Variants in REM2 observed in about 807,000 individuals in gnomAD.
The protein encoded by REM2 is RRAD and GEM like GTPase 2.
A neutral mutation model predicts 24.4 loss-of-function variants in REM2; 24 were observed. That is an observed-to-expected ratio of 0.98 (90% CI 0.71 to 1.38). The LOEUF (loss-of-function observed/expected upper bound fraction) is 1.38, where lower values mean the gene tolerates loss of function less well. Ranked by LOEUF, REM2 falls within the 40% of genes most tolerant of loss-of-function variation. The pLI, the probability that REM2 is intolerant of heterozygous loss-of-function variation, is 0.00. For synonymous variants in REM2, 187 were observed against 198.0 expected (o/e 0.94, Z 0.47); for missense variants, 429 against 467.8 (o/e 0.92, Z 0.77).
Position 22,886,049 on chromosome 14 carries a change from A to C in REM2, c.545A>C (p.Asp182Ala), listed in dbSNP as rs2040122623. Residue 182 changes from aspartate to alanine, a missense_variant, in exon 4 of 5, where the codon GAC (aspartate) becomes GCC (alanine). Asp to Ala is a moderately radical substitution (Grantham distance 126). Coordinates refer to ENST00000267396, the MANE Select transcript of REM2 (RefSeq NM_173527.3). This position sits in a 1 kb window ranked among gnomAD's most constrained non-coding sequence, Gnocchi z 5.9. ...GGGGATGCAGGAGGGTGGCTGCGGG[A>C]CCACTGCCTTCAGACCGGGGACGCC... ...EQGDAGGWLR[D>A]HCLQTGDAFL... The C allele has an allele frequency of 6.2e-7, 1 of 1,613,828 alleles. No individual in the cohort carries two copies. Among genetic ancestry groups the C allele is most frequent in the Non-Finnish European group, 8.5e-7 (1 of 1,179,812 alleles).
chr14:22,886,208 G>C lies in REM2; in HGVS notation c.704G>C (p.Arg235Pro). The C allele has an allele frequency of 3.1e-6, 5 of 1,613,088 alleles. No individual in the cohort carries two copies. Among genetic ancestry groups the C allele is most frequent in the Non-Finnish European group, 4.2e-6 (5 of 1,179,534 alleles). ...GTTGGAAACAAGAGCGACTTGGCCC[G>C]CTCCCGGGAGGTATCACTGGAGGGT... The part of the protein sequence containing the change: ...ILVGNKSDLA[R>P]SREVSLEEGR... The change falls in exon 4 of 5, where the codon CGC becomes CCC. Residue 235 changes from arginine to proline, a missense_variant. Arg to Pro is a moderately radical substitution (Grantham distance 103). Coordinates refer to ENST00000267396, the MANE Select transcript of REM2 (RefSeq NM_173527.3). The surrounding 1 kb of genome is among the most constrained non-coding windows in gnomAD (Gnocchi z 5.9).
chr14:22,886,481 A>G lies in REM2; in HGVS notation c.728-133A>G. 1.2e-6 allele frequency: 1 copy of G among 866,116 alleles called. No individual in the cohort carries two copies. The allele number at this position is 866,116 out of a possible 1,614,324, so 53.7% of individuals were successfully genotyped here. On this transcript the variant is annotated intron_variant, in intron 4 of 4. Coordinates refer to ENST00000267396, the MANE Select transcript of REM2 (RefSeq NM_173527.3). This position sits in a 1 kb window ranked among gnomAD's most constrained non-coding sequence, Gnocchi z 5.9. The stretch of plus-strand genomic sequence containing the variant: ...CTCCACAGACCCACCATATGAGCTC[A>G]GCCATGTTCTCTCGGTTGCAAGATT...
At position 22,886,688 on chromosome 14, in the gene REM2, G is replaced by A; in HGVS notation, c.802G>A (p.Glu268Lys). 8 of 1,498,452 alleles carry A rather than the reference G, an allele frequency of 5.3e-6. No individual in the cohort carries two copies. Among genetic ancestry groups the A allele is most frequent in the Non-Finnish European group, 6.2e-6 (7 of 1,125,694 alleles). 92.8% of individuals were successfully genotyped at this position (1,498,452 alleles called of 1,614,324 possible). The change falls in exon 5 of 5, where the codon GAG becomes AAG. Residue 268 changes from glutamate (E) to lysine (K), a missense_variant. Glu to Lys is a moderately conservative substitution (Grantham distance 56). Coordinates refer to ENST00000267396, the MANE Select transcript of REM2 (RefSeq NM_173527.3). The surrounding 1 kb of genome is among the most constrained non-coding windows in gnomAD (Gnocchi z 5.9). ...GGCCGCACTGCACCACAACACGAGG[G>A]AGCTCTTCGAGGGCGCGGTGCGCCA... ...TSAALHHNTR[E>K]LFEGAVRQIR...
In REM2 at chr14:22,884,773, G is replaced by A; in HGVS notation, c.203G>A (p.Ser68Asn). ...SAPGAPRRRG[S>N]MPVPYKHQLR... is the part of the protein sequence containing the mutation. ...CCTGGGGCCCCCAGACGAAGAGGCA[G>A]TATGCCTGTCCCCTACAAGCACCAG... is the stretch of plus-strand genomic sequence containing the variant. Residue 68 changes from serine (S) to asparagine (N), a missense_variant, in exon 2 of 5, where the codon AGT (serine) becomes AAT (asparagine). Physicochemically the swap from Ser to Asn is conservative, Grantham distance 46 (BLOSUM62 1). Coordinates refer to ENST00000267396, the MANE Select transcript of REM2 (RefSeq NM_173527.3). The A allele has an allele frequency of 1.2e-6, 2 of 1,614,066 alleles. No homozygotes were observed. The highest frequency in any genetic ancestry group is 8.5e-7 in the Non-Finnish European group (1 of 1,179,898).
rs1193433514 is a variant in REM2, at chr14:22,886,256, A to T, written c.727+25A>T. ...GGTGTGTATCCTGAACAGATTCCAT[A>T]CTTGCGATCTCAGGGGAATGCTCTC... On this transcript the variant is annotated intron_variant, in intron 4 of 4. Coordinates refer to ENST00000267396, the MANE Select transcript of REM2 (RefSeq NM_173527.3). The surrounding 1 kb of genome is among the most constrained non-coding windows in gnomAD (Gnocchi z 5.9). 1 of 1,582,554 alleles carries T rather than the reference A, an allele frequency of 6.3e-7. No homozygotes were observed. The highest frequency in any genetic ancestry group is 2.3e-5 in the East Asian group (1 of 43,944).
At chr14:22,883,423 A>G (rs2040087034) in intron 1 of REM2, 33 bp downstream of exon 1, 1 of 1,547,514 alleles carries the variant, frequency 6.5e-7, no homozygotes, top group Non-Finnish European at 8.7e-7. Context: ...TCCGGCTGAA[A>G]CCATGGGGGT....
chr14:22,884,191 C>T (rs899116347), intron 1 of REM2: 1 of 985,414 alleles, frequency 1.0e-6, no homozygotes, highest in Non-Finnish European at 1.2e-6. Context: ...TATACCTACT[C>T]CCCAGACACT....
In REM2 at chr14:22,887,223, G is replaced by T. The variant is rs2040139663; in HGVS notation, c.*314G>T. On this transcript the variant is annotated 3_prime_UTR_variant, in exon 5 of 5. Transcript: ENST00000267396. ...GAAAAATAATTCTGCAAGGTATTTT[G>T]TTTTTTATTAATTCGCGCTTGGCCA... The T allele has an allele frequency of 6.7e-6, 2 of 297,058 alleles. No individual in the cohort carries two copies. Among genetic ancestry groups the T allele is most frequent in the East Asian group, 5.6e-5 (1 of 17,856 alleles). The allele number at this position is 297,058 out of a possible 1,614,324, so 18.4% of individuals were successfully genotyped here.
At chr14:22,885,884 GATTCTGCCATTAACTA>G in intron 3 of REM2, 124 bp from the exon 4 acceptor site, 1 of 650,716 alleles carries the variant, frequency 1.5e-6, no homozygotes, top group Non-Finnish European at 2.7e-6. Context: ...TGGGTAGGGA[GATTCTGCCATTAACTA>G]GCTCTGCTGT....
At position 22,886,609 on chromosome 14, in the gene REM2, T is replaced by C; in HGVS notation, c.728-5T>C. On this transcript the variant is annotated splice_region_variant and splice_polypyrimidine_tract_variant and intron_variant, in intron 4 of 4. Coordinates refer to ENST00000267396, the MANE Select transcript of REM2 (RefSeq NM_173527.3). This position sits in a 1 kb window ranked among gnomAD's most constrained non-coding sequence, Gnocchi z 5.9. ...GCGGGCGCCTGAGCCGGTGCCTTCC[T>C]GCAGAGGGCCGCCACCTGGCCGGGA... is the stretch of plus-strand genomic sequence containing the variant. The C allele has an allele frequency of 6.9e-7, 1 of 1,448,324 alleles. No individual in the cohort carries two copies. The highest frequency in any genetic ancestry group is 9.1e-7 in the Non-Finnish European group (1 of 1,099,618). The allele number at this position is 1,448,324 out of a possible 1,614,324, so 89.7% of individuals were successfully genotyped here.
intron 1 of REM2, chr14:22,884,389 G>A: frequency 1.0e-6 from 1 of 985,454 alleles, no homozygotes; most frequent in Non-Finnish European, 1.2e-6. Context: ...AGTGTGAGTG[G>A]GTATGTGAGC....
Position 22,883,356 on chromosome 14 carries a change from C to T in REM2, c.69C>T (p.Ser23=), listed in dbSNP as rs1435816249. Residue 23 remains serine (S), a synonymous_variant, in exon 1 of 5, where the codon AGC becomes AGT. Coordinates refer to ENST00000267396, the MANE Select transcript of REM2 (RefSeq NM_173527.3). ...CCACAGCACTCTGCCCCTCTGGCAG[C>T]CGCCGGGCCTCCCCTCCAGGGACGC... is the stretch of plus-strand genomic sequence containing the variant. ...TETTALCPSG[S]RRASPPGTPT... is the part of the protein sequence containing the mutation. 1 of 1,558,004 alleles carries T rather than the reference C, an allele frequency of 6.4e-7. No individual in the cohort carries two copies. Among genetic ancestry groups the T allele is most frequent in the Admixed American group, 1.9e-5 (1 of 51,534 alleles).
chr14:22,887,584 GAT>G lies in REM2; in HGVS notation c.*677_*678del, dbSNP rs752643276. Reference sequence around the variant, plus strand: ...GGGGTGGACAGACTTTCTGCATTCAGATAATGAGCAGTGGCAACCCCTTTTGG... The same window carrying G: ...GGGGTGGACAGACTTTCTGCATTCAGAATGAGCAGTGGCAACCCCTTTTGG... On this transcript the variant is annotated 3_prime_UTR_variant, in exon 5 of 5. Transcript: ENST00000267396. 1 of 152,236 alleles carries G rather than the reference GAT, an allele frequency of 6.6e-6. No individual in the cohort carries two copies. The highest frequency in any genetic ancestry group is 1.5e-5 in the Non-Finnish European group (1 of 68,042). 9.4% of individuals were successfully genotyped at this position (152,236 alleles called of 1,614,324 possible).
At chr14:22,883,909 A>ACG (rs2040093899) in intron 1 of REM2, among the ~76,000 whole-genome samples, 1 of 151,440 alleles carries the variant, frequency 6.6e-6, no homozygotes. Flanking sequence ...TCACACACAC[A>ACG]CACACACACA....
At chr14:22,885,873 C>T (rs932206637) in intron 3 of REM2, 151 bp from the exon 4 acceptor site, 1 of 627,770 alleles carries the variant, frequency 1.6e-6, no homozygotes, top group Non-Finnish European at 2.8e-6. Flanking sequence ...CACAAACACT[C>T]TGGGTAGGGA....
At position 22,887,015 on chromosome 14, in the gene REM2, A is replaced by C; in HGVS notation, c.*106A>C. The C allele has an allele frequency of 9.1e-7, 1 of 1,103,008 alleles. No individual in the cohort carries two copies. The highest frequency in any genetic ancestry group is 1.2e-6 in the Non-Finnish European group (1 of 820,528). The allele number at this position is 1,103,008 out of a possible 1,614,324, so 68.3% of individuals were successfully genotyped here. A position where few individuals can be genotyped will look rare whatever the true frequency, so the allele number is the denominator to read the frequency against. ...CCGGCTTCCTTGGTGGAGGCCGTCT[A>C]GGAAACCAAAAACTCCCAGGATGCC... On this transcript the variant is annotated 3_prime_UTR_variant, in exon 5 of 5. Coordinates refer to ENST00000267396, the MANE Select transcript of REM2 (RefSeq NM_173527.3).
intron 1 of REM2, 133 bp from the exon 2 acceptor site, chr14:22,884,541 C>T: frequency 1.4e-6 from 2 of 1,437,386 alleles, no homozygotes; most frequent in Non-Finnish European, 1.8e-6. Context: ...TTCTCAGTTC[C>T]TTCTGGGTAA....
rs539321820 is a variant in REM2 at position 22,883,947 on chromosome 14, CT to C, written c.103+558del. On this transcript the variant is annotated intron_variant, in intron 1 of 4. Transcript: ENST00000267396. ...CACTATCTCTCTCTCTCTACTTCTACTGCTCTATGAACACAATATTCTCTCC... is the reference window on the plus strand; with the variant it reads ...CACTATCTCTCTCTCTCTACTTCTACGCTCTATGAACACAATATTCTCTCC... 1.6e-4 allele frequency: 136 copies of C among 840,742 alleles called. No individual in the cohort carries two copies. In the African/African-American group the frequency reaches 2.5e-3, roughly 15 times the overall value. The allele number at this position is 840,742 out of a possible 1,614,324, so 52.1% of individuals were successfully genotyped here.
chr14:22,886,016 G>A lies in REM2; in HGVS notation c.520-8G>A. The A allele has an allele frequency of 6.2e-7, 1 of 1,612,294 alleles. No individual in the cohort carries two copies. Among genetic ancestry groups the A allele is most frequent in the Middle Eastern group, 1.7e-4 (1 of 6,046 alleles). On this transcript the variant is annotated splice_region_variant and splice_polypyrimidine_tract_variant and intron_variant, in intron 3 of 4. Coordinates refer to ENST00000267396, the MANE Select transcript of REM2 (RefSeq NM_173527.3). The surrounding 1 kb of genome is among the most constrained non-coding windows in gnomAD (Gnocchi z 5.9). ...CTCCAGCCCTAACGTTCCTCTGCCT[G>A]TCTGCAGGGGGATGCAGGAGGGTGG...
Sources: gnomAD v4.1 joint callset for allele counts (sites outside exome capture counted in the v4.1 genomes callset) on GRCh38, gnomAD v4.1.1 for gene constraint, Gnocchi (gnomAD v3.1) non-coding constraint, MANE v1.5 for transcripts, NCBI Gene and HGNC (gene_info 2026-07-23, HGNC 2026-07-21) for gene names.